The following TNKS2 variants were observed in gnomAD, a reference collection of about 807,000 sequenced individuals.
The protein encoded by TNKS2 is tankyrase 2.
Under a neutral mutation model 137.6 loss-of-function variants are expected in TNKS2, and 72 were observed. The ratio of observed to expected loss-of-function variants is 0.52; its 90% confidence interval spans 0.43 to 0.64. The LOEUF is 0.64. Among genes scored for constraint, TNKS2 ranks in the 30% least tolerant of loss-of-function variants. The pLI is 0.00. For missense variants in TNKS2, 1,049 were observed against 1,410.2 expected, an observed-to-expected ratio of 0.74 and a Z score of 4.10; for synonymous variants, 516 against 512.1, an observed-to-expected ratio of 1.01 and a Z score of -0.10.
chr10:91,836,993 G>A lies in TNKS2; in HGVS notation c.1522G>A (p.Val508Ile). Reference protein sequence around the residue: ...EAAKAGDVETVKKLCTVQSVN... With the variant: ...EAAKAGDVETIKKLCTVQSVN... ...TGCAAAGGCTGGAGATGTCGAAACT[G>A]TAAAAGTAAGATACAGTGTTACGTT... Residue 508 changes from valine to isoleucine, a missense_variant, in exon 13 of 27, where the codon GTA becomes ATA. This residue lies in a region of TNKS2 where 328 missense variants were observed against 436.0 expected (regional missense o/e 0.75). Transcript: ENST00000371627. The A allele has an allele frequency of 3.1e-6, 5 of 1,612,704 alleles. No homozygotes were observed. Among genetic ancestry groups the A allele is most frequent in the Non-Finnish European group, 4.2e-6 (5 of 1,179,370 alleles).
chr10:91,822,248 C>A, intron 6 of TNKS2, 48 bp from the exon 7 acceptor site: 2 of 1,463,010 alleles, frequency 1.4e-6, no homozygotes, highest in Non-Finnish European at 1.9e-6. Flanking sequence ...TTCCCTAGGC[C>A]TAAGAAATCT....
intron 1 of TNKS2, among the ~76,000 whole-genome samples, chr10:91,807,753 G>A (rs1359104079): frequency 6.6e-6 from 1 of 152,108 alleles, no homozygotes; most frequent in Admixed American, 6.6e-5. Context: ...CCAGCACTTC[G>A]GGAGGCCGAG....
At chr10:91,849,691 G>A in intron 20 of TNKS2, 97 bp downstream of exon 20, 1 of 873,648 alleles carries the variant, frequency 1.1e-6, no homozygotes, top group Non-Finnish European at 1.7e-6. Context: ...GTAAGCTATT[G>A]GGGGAGAATG....
intron 1 of TNKS2, among the ~76,000 whole-genome samples, chr10:91,808,036 T>G (rs1290801319): frequency 7.0e-6 from 1 of 143,814 alleles, no homozygotes; most frequent in East Asian, 2.0e-4. Flanking sequence ...AAGGCAGTAA[T>G]TACAAATTTT....
chr10:91,813,266 GAATT>G, intron 2 of TNKS2, 59 bp downstream of exon 2: 2 of 1,379,016 alleles, frequency 1.5e-6, no homozygotes, highest in African/African-American at 1.4e-5. Context: ...AATCTGAACT[GAATT>G]AATCTGTTCA....
chr10:91,851,685 A>C (rs1172770783), intron 21 of TNKS2, among the ~76,000 whole-genome samples: 1 of 152,208 alleles, frequency 6.6e-6, no homozygotes. Flanking sequence ...CACATTTCTT[A>C]TGGTAATATA....
rs764183934 is a variant in TNKS2, at chr10:91,845,707, T to G, written c.2170-45T>G. ...AGTTTCATTTTAAGAAAGTAAAGTG[T>G]GACAAAATAATATTTCAGACTGTAA... On this transcript the variant is annotated intron_variant, in intron 17 of 26. Transcript: ENST00000371627. 3 of 1,376,654 alleles carry G rather than the reference T, an allele frequency of 2.2e-6. No individual in the cohort carries two copies. The African/African-American group carries it at 4.4e-5, about 20-fold the overall frequency. 85.3% of individuals were successfully genotyped at this position (1,376,654 alleles called of 1,614,324 possible). A position where few individuals can be genotyped will look rare whatever the true frequency, so the allele number is the denominator to read the frequency against.
intron 6 of TNKS2, among the ~76,000 whole-genome samples, chr10:91,820,665 TA>T (rs2133614265): frequency 6.6e-6 from 1 of 152,352 alleles, no homozygotes; most frequent in African/African-American, 2.4e-5. Context: ...ATGATTATTC[TA>T]AAAGAAGTTT....
At chr10:91,853,630 A>G (rs1842620720) in intron 21 of TNKS2, among the ~76,000 whole-genome samples, 1 of 152,244 alleles carries the variant, frequency 6.6e-6, no homozygotes, top group Non-Finnish European at 1.5e-5. Context: ...ATCTTTCAGT[A>G]TTGATAAATA....
intron 21 of TNKS2, 37 bp from the exon 22 acceptor site, chr10:91,854,992 G>T: frequency 1.7e-6 from 2 of 1,155,950 alleles, no homozygotes; most frequent in South Asian, 1.3e-5. Flanking sequence ...TTGTTTATTG[G>T]CAATTTATTT....
intron 3 of TNKS2, 32 bp downstream of exon 3, chr10:91,817,261 G>A (rs1844734782): frequency 1.3e-6 from 2 of 1,549,962 alleles, no homozygotes; most frequent in Non-Finnish European, 8.8e-7. Context: ...ATTCCAGGAA[G>A]CCTGTAAAGA....
chr10:91,807,483 C>A, intron 1 of TNKS2: 1 of 1,564,538 alleles, frequency 6.4e-7, no homozygotes, highest in Non-Finnish European at 8.8e-7. Context: ...GGCCTCAGAA[C>A]CCGGCCCAAC....
chr10:91,832,959 T>C (rs921448187), intron 11 of TNKS2, among the ~76,000 whole-genome samples: 4 of 152,184 alleles, frequency 2.6e-5, no homozygotes, highest in Admixed American at 2.0e-4. Context: ...ATATATCTTA[T>C]TTTTTCACAC....
chr10:91,820,021 C>T lies in TNKS2; in HGVS notation c.716C>T (p.Ala239Val). ...CTGCAACATGGAGCTGATGTCCATG[C>T]TAAAGATAAAGGGTAAGCATTTGAA... ...LLLQHGADVH[A>V]KDKGDLVPLH... Residue 239 changes from alanine (A) to valine (V), a missense_variant, in exon 6 of 27, where the codon GCT becomes GTT. By Grantham distance (64) the Ala-to-Val change is moderately conservative. This residue lies in a region of TNKS2 where 374 missense variants were observed against 460.8 expected (regional missense o/e 0.81). Coordinates refer to ENST00000371627, the MANE Select transcript of TNKS2 (RefSeq NM_025235.4). 2 of 1,584,084 alleles carry T rather than the reference C, an allele frequency of 1.3e-6. No homozygotes were observed. Among genetic ancestry groups the T allele is most frequent in the Non-Finnish European group, 1.7e-6 (2 of 1,165,292 alleles).
chr10:91,800,574 A>G (rs772380792), intron 1 of TNKS2, among the ~76,000 whole-genome samples: 2 of 152,130 alleles, frequency 1.3e-5, no homozygotes, highest in Non-Finnish European at 2.9e-5. Flanking sequence ...TATTTTTTAC[A>G]TAGGTTTCAT....
intron 2 of TNKS2, 123 bp from the exon 3 acceptor site, chr10:91,817,011 G>A: frequency 3.4e-6 from 2 of 582,222 alleles, no homozygotes; most frequent in Non-Finnish European, 6.2e-6. Flanking sequence ...ATTCTGACAA[G>A]ATATGAAAGG....
chr10:91,803,173 A>G (rs527761376), intron 1 of TNKS2, among the ~76,000 whole-genome samples: 1 of 152,308 alleles, frequency 6.6e-6, no homozygotes, highest in South Asian at 2.1e-4. Context: ...CGTTCTTAAG[A>G]AGTATATGTG....
chr10:91,851,883 A>G (rs565194732), intron 21 of TNKS2, among the ~76,000 whole-genome samples: 1 of 152,350 alleles, frequency 6.6e-6, no homozygotes, highest in Admixed American at 6.5e-5. Context: ...GGAAAATGCA[A>G]ATTGCATTTA....
At chr10:91,801,286 G>A (rs1844156797) in intron 1 of TNKS2, among the ~76,000 whole-genome samples, 1 of 152,110 alleles carries the variant, frequency 6.6e-6, no homozygotes, top group Non-Finnish European at 1.5e-5. Flanking sequence ...GAAGAAGATA[G>A]TCAACATAAA....
Sources: allele counts gnomAD v4.1 joint callset (sites outside exome capture counted in the v4.1 genomes callset), GRCh38; gene constraint gnomAD v4.1.1; regional missense constraint gnomAD v4.1.1; transcripts MANE v1.5; gene names NCBI Gene and HGNC (gene_info 2026-07-23, HGNC 2026-07-21).